Variants in NPLOC4 observed in about 807,000 individuals in gnomAD.
NPLOC4 encodes nuclear protein localization protein 4 homolog.
A neutral mutation model predicts 80.6 loss-of-function variants in NPLOC4; 18 were observed. The ratio of observed to expected loss-of-function variants is 0.22; its 90% CI spans 0.15 to 0.33. The LOEUF (loss-of-function observed/expected upper bound fraction) is 0.33. Ranked by LOEUF, NPLOC4 falls within the 10% of genes least tolerant of loss-of-function variation. The probability of loss-of-function intolerance (pLI) is 1.00; values close to 1 mark genes in which losing one functional copy is unlikely to be tolerated. For synonymous variants in NPLOC4, 313 were observed against 301.5 expected (o/e 1.04, Z -0.39); for missense variants, 540 against 786.1 (o/e 0.69, Z 3.74).
intron 2 of NPLOC4, among the ~76,000 whole-genome samples, chr17:81,626,278 T>C (rs1222657685): frequency 6.7e-6 from 1 of 149,078 alleles, no homozygotes; most frequent in African/African-American, 2.5e-5. Flanking sequence ...ATCGCGCCAC[T>C]GCACTCCAGC....
intron 8 of NPLOC4, among the ~76,000 whole-genome samples, 185 bp downstream of exon 8, chr17:81,604,363 T>C (rs1393881503): frequency 6.6e-6 from 1 of 151,988 alleles, no homozygotes; most frequent in Non-Finnish European, 1.5e-5. Flanking sequence ...CTTAGTAACA[T>C]ACACTGAAGG....
rs2034411891 is a variant in NPLOC4 at position 81,580,611 on chromosome 17, T to C, written c.1281+8333A>G. 6.6e-6 allele frequency among the ~76,000 whole-genome samples: 1 copy of C among 152,110 alleles called. No individual in the cohort carries two copies. Among genetic ancestry groups the C allele is most frequent in the Non-Finnish European group, 1.5e-5 (1 of 68,010 alleles). ...AATCTCCTCCAGACACCCCCAGAGC[T>C]GCTCTGCCAATTGACACCTTCTCTC... On this transcript the variant is annotated intron_variant, in intron 12 of 16. Transcript: ENST00000331134. The surrounding 1 kb of genome is among the most constrained non-coding windows in gnomAD (Gnocchi z 4.4).
chr17:81,616,333 A>AAAAAAAAGAAAC (rs780878214), intron 3 of NPLOC4, among the ~76,000 whole-genome samples: 9,141 of 115,364 alleles, frequency 0.079, 1,107 homozygotes, highest in Admixed American at 0.17. Flanking sequence ...AAAAAAAAAA[A>AAAAAAAAGAAAC]AAAAAGAAAA....
chr17:81,622,120 A>AC (rs755962430), intron 3 of NPLOC4, 46 bp downstream of exon 3: 1 of 1,367,206 alleles, frequency 7.3e-7, no homozygotes, highest in South Asian at 1.2e-5. Context: ...GATCATGGGG[A>AC]CCTCATTTCC....
chr17:81,586,978 G>A (rs2144128892), intron 12 of NPLOC4, among the ~76,000 whole-genome samples: 1 of 152,342 alleles, frequency 6.6e-6, no homozygotes, highest in African/African-American at 2.4e-5. Context: ...CCCTGCTGGA[G>A]TCTCTGGCTT....
At chr17:81,603,018 T>TAA (rs34722507) in intron 8 of NPLOC4, among the ~76,000 whole-genome samples, 2,442 of 135,892 alleles carry the variant, frequency 0.018, 83 homozygotes, top group African/African-American at 0.061. Flanking sequence ...CACACACATA[T>TAA]AAAAGTCAGA....
At chr17:81,608,169 C>G (rs906307425) in intron 6 of NPLOC4, among the ~76,000 whole-genome samples, 9 of 152,228 alleles carry the variant, frequency 5.9e-5, no homozygotes, top group African/African-American at 1.7e-4. Flanking sequence ...GGCTGAAAAC[C>G]AAGCTGACTC....
chr17:81,615,849 A>G (rs1218481278), intron 3 of NPLOC4, among the ~76,000 whole-genome samples: 3 of 152,176 alleles, frequency 2.0e-5, no homozygotes, highest in Admixed American at 2.0e-4. Flanking sequence ...AAAAACCAAC[A>G]AAGTCACCTC....
At chr17:81,601,570 T>A (rs1423253580) in intron 8 of NPLOC4, among the ~76,000 whole-genome samples, 1 of 152,154 alleles carries the variant, frequency 6.6e-6, no homozygotes, top group African/African-American at 2.4e-5. Context: ...ATTATACTTT[T>A]AATAGAACCG....
rs902129214 is a variant in NPLOC4 at position 81,580,360 on chromosome 17, C to T, written c.1282-8272G>A. ...CTCAACCCCCTCACTACTGCACAGCCATCTCTACTCTCTACCCTAGTCTCC... is the reference window on the plus strand; with the variant it reads ...CTCAACCCCCTCACTACTGCACAGCTATCTCTACTCTCTACCCTAGTCTCC... On this transcript the variant is annotated intron_variant, in intron 12 of 16. Coordinates refer to ENST00000331134, the MANE Select transcript of NPLOC4 (RefSeq NM_017921.4). The surrounding 1 kb of genome is among the most constrained non-coding windows in gnomAD (Gnocchi z 4.4). 6.6e-5 allele frequency among the ~76,000 whole-genome samples: 10 copies of T among 152,340 alleles called. No individual in the cohort carries two copies. The South Asian group carries it at 1.2e-3, about 19-fold the overall frequency.
intron 4 of NPLOC4, among the ~76,000 whole-genome samples, chr17:81,612,238 CCTTT>C (rs1229755770): frequency 2.6e-5 from 4 of 152,108 alleles, no homozygotes; most frequent in Non-Finnish European, 4.4e-5. Flanking sequence ...CAGTCAGACC[CCTTT>C]CTAAGTGGGG....
In NPLOC4 at chr17:81,579,234, T is replaced by G. The variant is rs1212735362; in HGVS notation, c.1282-7146A>C. On this transcript the variant is annotated intron_variant, in intron 12 of 16. Transcript: ENST00000331134. ...CTAAAAATACAAAAAAGAAATTAGC[T>G]GGGCGTGGTGGTGGGCGCCTGTAAT... 2.6e-5 allele frequency among the ~76,000 whole-genome samples: 4 copies of G among 152,272 alleles called. No homozygotes were observed. In the East Asian group the frequency reaches 7.7e-4, roughly 29 times the overall value.
rs749124693 is a variant in NPLOC4, at chr17:81,569,165, G to A, written c.1354-54C>T. ...AAATGAGGCTGAAAATGGTGTGGCC[G>A]ACTCCCAGCCAGCCCAGAGCATCTC... is the stretch of plus-strand genomic sequence containing the variant. On this transcript the variant is annotated intron_variant, in intron 13 of 16. Transcript: ENST00000331134. 1.6e-5 allele frequency: 19 copies of A among 1,217,110 alleles called. 1 individual carries two copies. The highest frequency in any genetic ancestry group is 6.0e-5 in the African/African-American group (4 of 67,084). 75.4% of individuals were successfully genotyped at this position (1,217,110 alleles called of 1,614,324 possible).
intron 2 of NPLOC4, among the ~76,000 whole-genome samples, chr17:81,624,724 G>A (rs62074733): frequency 0.094 from 14,384 of 152,232 alleles, 744 homozygotes; most frequent in Middle Eastern, 0.17. Flanking sequence ...ACCTCAGATG[G>A]GAGGCTAGAA....
intron 8 of NPLOC4, 114 bp downstream of exon 8, chr17:81,604,434 G>T: frequency 1.1e-6 from 1 of 904,054 alleles, no homozygotes; most frequent in Non-Finnish European, 1.7e-6. Context: ...GTGCACCGGT[G>T]TGTGACAAAG....
chr17:81,584,233 C>T (rs760653260), intron 12 of NPLOC4, among the ~76,000 whole-genome samples: 4 of 152,186 alleles, frequency 2.6e-5, no homozygotes, highest in Non-Finnish European at 4.4e-5. Context: ...TTTCCTGAAA[C>T]ATGAGAAATC....
intron 1 of NPLOC4, among the ~76,000 whole-genome samples, chr17:81,635,507 AT>A (rs1213455074): frequency 6.6e-6 from 1 of 152,094 alleles, no homozygotes; most frequent in East Asian, 1.9e-4. Context: ...AGCCTTGCAA[AT>A]AAGTGCTAGG....
chr17:81,618,967 G>A (rs111664870), intron 3 of NPLOC4, among the ~76,000 whole-genome samples: 13,608 of 151,800 alleles, frequency 0.09, 864 homozygotes, highest in Admixed American at 0.21. Flanking sequence ...ATTAAGGGCG[G>A]TGCAAGATGT....
intron 3 of NPLOC4, 45 bp downstream of exon 3, chr17:81,622,121 C>T: frequency 7.2e-7 from 1 of 1,388,880 alleles, no homozygotes. Flanking sequence ...ATCATGGGGA[C>T]CTCATTTCCC....
Sources: allele counts gnomAD v4.1 joint callset (sites outside exome capture counted in the v4.1 genomes callset), GRCh38; gene constraint gnomAD v4.1.1; non-coding constraint Gnocchi (gnomAD v3.1); transcripts MANE v1.5; gene names NCBI Gene and HGNC (gene_info 2026-07-23, HGNC 2026-07-21).